Variants in VSX2 observed in about 807,000 individuals in gnomAD.
VSX2 encodes the protein ceh-10 homeo domain containing homolog.
In VSX2, 28 loss-of-function variants were observed where a neutral mutation model predicts 32.1. The ratio of observed to expected loss-of-function variants is 0.87; its 90% CI spans 0.65 to 1.20. The LOEUF is 1.20. Among genes scored for constraint, VSX2 ranks in the 50% most tolerant of loss-of-function variants. The pLI, the probability that VSX2 is intolerant of heterozygous loss-of-function variation, is 0.00. For missense variants in VSX2, 506 were observed against 488.7 expected, an observed-to-expected ratio of 1.04 and a Z score of -0.33; for synonymous variants, 243 against 214.1, an observed-to-expected ratio of 1.14 and a Z score of -1.18.
At chr14:74,252,298 G>C (rs924917946) in intron 3 of VSX2, among the ~76,000 whole-genome samples, 7 of 152,194 alleles carry the variant, frequency 4.6e-5, no homozygotes, top group African/African-American at 1.4e-4. Context: ...TCTTTCCTTC[G>C]AGGCACAGGC....
intron 2 of VSX2, among the ~76,000 whole-genome samples, chr14:74,242,354 A>G (rs1272736349): frequency 6.6e-6 from 1 of 152,078 alleles, no homozygotes; most frequent in Non-Finnish European, 1.5e-5. Context: ...ATTTGTTTTC[A>G]GCCTCTTTGC....
chr14:74,255,326 C>A (rs1021270227), intron 3 of VSX2, among the ~76,000 whole-genome samples: 4 of 152,224 alleles, frequency 2.6e-5, no homozygotes, highest in Admixed American at 1.3e-4. Flanking sequence ...CCCTCCAAGG[C>A]ACCATTGCCA....
intron 2 of VSX2, among the ~76,000 whole-genome samples, chr14:74,243,066 G>A (rs1317391338): frequency 6.6e-6 from 1 of 152,186 alleles, no homozygotes; most frequent in Non-Finnish European, 1.5e-5. Context: ...TTGGAGAGAG[G>A]AGAATGGCTA....
intron 2 of VSX2, among the ~76,000 whole-genome samples, chr14:74,243,537 C>A (rs905655025): frequency 6.6e-6 from 1 of 151,756 alleles, no homozygotes; most frequent in African/African-American, 2.4e-5. Context: ...CTTTGACTGC[C>A]TTTGTGCCTC....
chr14:74,245,115 A>G (rs1317536925), intron 2 of VSX2, 50 bp from the exon 3 acceptor site: 1 of 1,611,478 alleles, frequency 6.2e-7, no homozygotes, highest in Non-Finnish European at 8.5e-7. Context: ...TGTCTGAGAC[A>G]GGCTCTTTTA....
chr14:74,248,334 T>TTA (rs1555387988), intron 3 of VSX2, among the ~76,000 whole-genome samples: 1 of 84,748 alleles, frequency 1.2e-5, no homozygotes, highest in African/African-American at 4.7e-5. Flanking sequence ...GAGACCAGGC[T>TTA]AAAAAAAAAA....
chr14:74,256,401 A>C (rs113636148), intron 3 of VSX2, among the ~76,000 whole-genome samples: 6,361 of 152,258 alleles, frequency 0.042, 312 homozygotes, highest in African/African-American at 0.11. Flanking sequence ...ACTGCACTCC[A>C]GCCTGGGTGA....
intron 3 of VSX2, among the ~76,000 whole-genome samples, chr14:74,258,334 TTGCCGCCTCC>T (rs1463826961): frequency 1.3e-5 from 2 of 152,056 alleles, no homozygotes; most frequent in African/African-American, 4.8e-5. Context: ...GACTCTTCTT[TTGCCGCCTCC>T]TGAATAGAGC....
chr14:74,250,719 G>A (rs530887853), intron 3 of VSX2, among the ~76,000 whole-genome samples: 2 of 151,182 alleles, frequency 1.3e-5, no homozygotes, highest in African/African-American at 4.9e-5. Context: ...TTTTTTCTCG[G>A]CTCATTGCAA....
At chr14:74,255,490 G>T (rs2079257468) in intron 3 of VSX2, among the ~76,000 whole-genome samples, 1 of 152,208 alleles carries the variant, frequency 6.6e-6, no homozygotes, top group Non-Finnish European at 1.5e-5. Context: ...CGACCAGCTG[G>T]CACTGGCTCC....
Position 74,239,940 on chromosome 14 carries a change from G to C in VSX2, c.370+9G>C. On this transcript the variant is annotated intron_variant, in intron 1 of 4. Coordinates refer to ENST00000261980, the MANE Select transcript of VSX2 (RefSeq NM_182894.3). ...CCAGACGGCCAGCTCGGGTAGGTGA[G>C]GAGAGGTTGCGCTGCTGCCTGACTG... is the stretch of plus-strand genomic sequence containing the variant. The C allele has an allele frequency of 6.4e-7, 1 of 1,558,102 alleles. No homozygotes were observed. Among genetic ancestry groups the C allele is most frequent in the Non-Finnish European group, 8.7e-7 (1 of 1,152,074 alleles).
At chr14:74,258,331 C>G (rs1181252565) in intron 3 of VSX2, among the ~76,000 whole-genome samples, 1 of 152,130 alleles carries the variant, frequency 6.6e-6, no homozygotes, top group East Asian at 1.9e-4. Flanking sequence ...GGTGACTCTT[C>G]TTTTGCCGCC....
intron 1 of VSX2, among the ~76,000 whole-genome samples, chr14:74,240,765 G>A (rs955173938): frequency 2.6e-5 from 4 of 152,166 alleles, no homozygotes; most frequent in Non-Finnish European, 4.4e-5. Context: ...CAGTCTTCCC[G>A]GAGCCCAGCT....
chr14:74,248,433 TCTC>T (rs1302787872), intron 3 of VSX2, among the ~76,000 whole-genome samples: 1 of 149,886 alleles, frequency 6.7e-6, no homozygotes, highest in Non-Finnish European at 1.5e-5. Context: ...ATGCCGGTAA[TCTC>T]AGCCCTTTGG....
rs763917953 is a variant in VSX2, at chr14:74,260,698, G to A, written c.865G>A (p.Gly289Ser). Residue 289 changes from glycine (G) to serine (S), a missense_variant, in exon 5 of 5, where the codon GGC (glycine) becomes AGC (serine). Gly to Ser is a moderately conservative substitution (Grantham distance 56, BLOSUM62 0). Coordinates refer to ENST00000261980, the MANE Select transcript of VSX2 (RefSeq NM_182894.3). ...KLDKMEQDER[G>S]PDAQAAISQE... is the part of the protein sequence containing the mutation. ...CGACAAGATGGAGCAGGACGAGCGGGGCCCCGACGCTCAGGCGGCCATCTC... is the reference window on the plus strand; with the variant it reads ...CGACAAGATGGAGCAGGACGAGCGGAGCCCCGACGCTCAGGCGGCCATCTC... The A allele has an allele frequency of 4.4e-6, 7 of 1,595,088 alleles. No homozygotes were observed. The highest frequency in any genetic ancestry group is 6.0e-6 in the Non-Finnish European group (7 of 1,171,440).
At chr14:74,252,821 G>T (rs2079238395) in intron 3 of VSX2, among the ~76,000 whole-genome samples, 1 of 151,870 alleles carries the variant, frequency 6.6e-6, no homozygotes, top group African/African-American at 2.4e-5. Context: ...GCCTCGGAGG[G>T]CGGATCACCT....
chr14:74,252,641 G>A (rs2079237475), intron 3 of VSX2, among the ~76,000 whole-genome samples: 1 of 151,676 alleles, frequency 6.6e-6, no homozygotes. Context: ...CACCCGACTC[G>A]GCCTCCAAAA....
At position 74,249,053 on chromosome 14, in the gene VSX2, G is replaced by A. The variant is rs2079213477; in HGVS notation, c.579+3765G>A. ...TGAAGTCTACTGTCTGATGTCTGAT[G>A]AGAACCTGCGATGTAGACGCGGAAA... On this transcript the variant is annotated intron_variant, in intron 3 of 4. Transcript: ENST00000261980. Among the ~76,000 whole-genome samples the A allele has an allele frequency of 2.0e-5, 3 of 152,226 alleles. No homozygotes were observed. In the South Asian group the frequency reaches 6.2e-4, roughly 32 times the overall value.
In VSX2 at chr14:74,239,792, G is replaced by C. The variant is rs753262258; in HGVS notation, c.231G>C (p.Gly77=). Reference sequence around the variant, plus strand: ...GCCCCGCGGGGGTGGGCGGCATGGGGCTTCTGGGGCCCGGGGGGCTCCCTG... The same window carrying C: ...GCCCCGCGGGGGTGGGCGGCATGGGCCTTCTGGGGCCCGGGGGGCTCCCTG... ...VLSPAGVGGM[G]LLGPGGLPGF... is the part of the protein sequence containing the mutation. Residue 77 remains glycine, a synonymous_variant, in exon 1 of 5, where the codon GGG becomes GGC. Coordinates refer to ENST00000261980, the MANE Select transcript of VSX2 (RefSeq NM_182894.3). 6.4e-7 allele frequency: 1 copy of C among 1,565,272 alleles called. No homozygotes were observed. The highest frequency in any genetic ancestry group is 1.9e-5 in the Admixed American group (1 of 52,744).
Sources: gnomAD v4.1 joint callset for allele counts (sites outside exome capture counted in the v4.1 genomes callset) on GRCh38, gnomAD v4.1.1 for gene constraint, MANE v1.5 for transcripts, NCBI Gene and HGNC (gene_info 2026-07-23, HGNC 2026-07-21) for gene names.